Variants in HEYL observed in about 807,000 individuals in gnomAD.
The protein encoded by HEYL is hes related family bHLH transcription factor with YRPW motif like, also known as hairy/enhancer-of-split related with YRPW motif-like protein.
Under a neutral mutation model 18.6 loss-of-function variants are expected in HEYL, and 12 were observed. The ratio of observed to expected loss-of-function variants is 0.65; its 90% CI spans 0.41 to 1.05. The LOEUF (loss-of-function observed/expected upper bound fraction) is 1.05, where lower values mean the gene tolerates loss of function less well. Among genes scored for constraint, HEYL ranks in the 50% least tolerant of loss-of-function variants. HEYL has a pLI of 0.00. For missense variants in HEYL, 420 were observed against 444.7 expected (o/e 0.94, Z 0.50); for synonymous variants, 159 against 179.6 (o/e 0.89, Z 0.91).
At chr1:39,629,371 C>T (rs1646319560) in intron 4 of HEYL, among the ~76,000 whole-genome samples, 1 of 152,188 alleles carries the variant, frequency 6.6e-6, no homozygotes, top group African/African-American at 2.4e-5. Context: ...ACCACCTGCA[C>T]CAGGATAATT....
chr1:39,627,145 G>A lies in HEYL; in HGVS notation c.349C>T (p.Arg117Trp), dbSNP rs34926922. The change falls in exon 5 of 5, where the codon CGG becomes TGG. Residue 117 changes from arginine to tryptophan, a missense_variant. Coordinates refer to ENST00000372852, the MANE Select transcript of HEYL (RefSeq NM_014571.4). The part of the protein sequence containing the change: ...FDARALAVDF[R>W]SIGFRECLTE... ...AGGCACTCCCGAAAACCAATGCTCC[G>A]GAAGTCAACTGCCAGGGCTCGGGCA... The A allele has an allele frequency of 2.4e-5, 38 of 1,613,328 alleles. No individual in the cohort carries two copies. In the East Asian group the frequency reaches 5.8e-4, roughly 25 times the overall value.
chr1:39,632,928 T>TTCGCCCC (rs1192161293), intron 1 of HEYL: 11 of 985,068 alleles, frequency 1.1e-5, no homozygotes, highest in Middle Eastern at 5.2e-4. Context: ...GGCCTCGCCC[T>TTCGCCCC]TCGCCCCTCG....
At chr1:39,628,231 G>A (rs12045194) in intron 4 of HEYL, among the ~76,000 whole-genome samples, 10,988 of 152,306 alleles carry the variant, frequency 0.072, 725 homozygotes, top group East Asian at 0.37. Flanking sequence ...ACTTAGCCAT[G>A]TAAGTTCAAG....
intron 1 of HEYL, among the ~76,000 whole-genome samples, chr1:39,634,388 G>T (rs548119489): frequency 1.3e-5 from 2 of 152,244 alleles, no homozygotes; most frequent in East Asian, 3.9e-4. Context: ...AGCCACCATG[G>T]CTGGCCCCAA....
Position 39,626,874 on chromosome 1 carries a change from A to T in HEYL, c.620T>A (p.Val207Asp). Residue 207 changes from valine (V) to aspartate (D), a missense_variant, in exon 5 of 5, where the codon GTC becomes GAC. Coordinates refer to ENST00000372852, the MANE Select transcript of HEYL (RefSeq NM_014571.4). Reference protein sequence around the residue: ...GRVPSPVLPGVSSPAYPIPAL... With the variant: ...GRVPSPVLPGDSSPAYPIPAL... ...TGGGATGGGGTAAGCAGGAGAGGAG[A>T]CACCGGGGAGGACAGGGCTGGGCAC... 4.4e-6 allele frequency: 7 copies of T among 1,596,604 alleles called. No individual in the cohort carries two copies. The highest frequency in any genetic ancestry group is 6.0e-6 in the Non-Finnish European group (7 of 1,170,800).
chr1:39,632,399 T>G (rs548751514), intron 2 of HEYL, among the ~76,000 whole-genome samples: 5 of 152,368 alleles, frequency 3.3e-5, no homozygotes, highest in Admixed American at 2.0e-4. Context: ...ATTAATGCAC[T>G]TAATCTGTAA....
chr1:39,631,555 G>A lies in HEYL; in HGVS notation c.172C>T (p.Arg58Cys), dbSNP rs747706788. Reference protein sequence around the residue: ...RGIIEKRRRDRINSSLSELRR... With the variant: ...RGIIEKRRRDCINSSLSELRR... ...AATTCAGAAAGGCTACTGTTGATGC[G>A]GTCTCGACGCCGTTTCTCTATGATC... Residue 58 changes from arginine to cysteine, a missense_variant, in exon 3 of 5, where the codon CGC (arginine) becomes TGC (cysteine). Arg to Cys is a radical substitution (Grantham distance 180). Coordinates refer to ENST00000372852, the MANE Select transcript of HEYL (RefSeq NM_014571.4). 5.0e-6 allele frequency: 8 copies of A among 1,614,116 alleles called. No individual in the cohort carries two copies. In the Admixed American group the frequency reaches 8.3e-5, roughly 17 times the overall value.
rs759002874 is a variant in HEYL, at chr1:39,627,095, C to T, written c.399G>A (p.Gly133=). 1 of 1,614,012 alleles carries T rather than the reference C, an allele frequency of 6.2e-7. No individual in the cohort carries two copies. Among genetic ancestry groups the T allele is most frequent in the Non-Finnish European group, 8.5e-7 (1 of 1,180,002 alleles). ...ECLTEVIRYL[G]VLEGPSSRAD... ...CACGGCTGCTGGGCCCTTCAAGGAC[C>T]CCCAGGTACCTGATGACCTCAGTGA... is the stretch of plus-strand genomic sequence containing the variant. Residue 133 remains glycine (G), a synonymous_variant, in exon 5 of 5, where the codon GGG becomes GGA. Coordinates refer to ENST00000372852, the MANE Select transcript of HEYL (RefSeq NM_014571.4).
rs750910133 is a variant in HEYL, at chr1:39,627,092, G to T, written c.402C>A (p.Val134=). The change falls in exon 5 of 5, where the codon GTC becomes GTA. Residue 134 remains valine, a synonymous_variant. Transcript: ENST00000372852. ...CTGCACGGCTGCTGGGCCCTTCAAG[G>T]ACCCCCAGGTACCTGATGACCTCAG... ...CLTEVIRYLG[V]LEGPSSRADP... is the part of the protein sequence containing the mutation. 1 of 1,614,168 alleles carries T rather than the reference G, an allele frequency of 6.2e-7. No individual in the cohort carries two copies. The highest frequency in any genetic ancestry group is 8.5e-7 in the Non-Finnish European group (1 of 1,180,006).
rs898598897 is a variant in HEYL at position 39,639,468 on chromosome 1, C to A, written c.80+78G>T. ...CAGGCGGTGCTGGAGGGCTGGCCCG[C>A]CTGCTCGGCGAGCCCGTCGGGCCGA... is the stretch of plus-strand genomic sequence containing the variant. On this transcript the variant is annotated intron_variant, in intron 1 of 4. Transcript: ENST00000372852. 5.7e-5 allele frequency: 73 copies of A among 1,275,818 alleles called. 1 individual carries two copies. In the African/African-American group the frequency reaches 1.1e-3, roughly 19 times the overall value. 79.0% of individuals were successfully genotyped at this position (1,275,818 alleles called of 1,614,324 possible).
At chr1:39,632,211 G>A (rs1208123962) in intron 2 of HEYL, among the ~76,000 whole-genome samples, 2 of 152,216 alleles carry the variant, frequency 1.3e-5, no homozygotes, top group African/African-American at 4.8e-5. Flanking sequence ...ATCCTGGGAG[G>A]AAAGTGGGGC....
rs1646293938 is a variant in HEYL, at chr1:39,625,867, G to C, written c.*640C>G. ...GTGGGTGTCTGCTGCTGGGAGGAGGGTGGGAGCAGGCTCTGCTGGGCCCCC... is the reference window on the plus strand; with the variant it reads ...GTGGGTGTCTGCTGCTGGGAGGAGGCTGGGAGCAGGCTCTGCTGGGCCCCC... On this transcript the variant is annotated 3_prime_UTR_variant, in exon 5 of 5. Coordinates refer to ENST00000372852, the MANE Select transcript of HEYL (RefSeq NM_014571.4). 1 of 153,522 alleles carries C rather than the reference G, an allele frequency of 6.5e-6. No homozygotes were observed. Among genetic ancestry groups the C allele is most frequent in the Non-Finnish European group, 1.4e-5 (1 of 69,128 alleles). The allele number at this position is 153,522 out of a possible 1,614,324, so 9.5% of individuals were successfully genotyped here. A position where few individuals can be genotyped will look rare whatever the true frequency, so the allele number is the denominator to read the frequency against.
Position 39,626,776 on chromosome 1 carries a change from G to T in HEYL, c.718C>A (p.Arg240=). 2 of 1,551,264 alleles carry T rather than the reference G, an allele frequency of 1.3e-6. No homozygotes were observed. The highest frequency in any genetic ancestry group is 1.7e-6 in the Non-Finnish European group (2 of 1,146,186). Residue 240 remains arginine (R), a synonymous_variant, in exon 5 of 5, where the codon CGA becomes AGA. Coordinates refer to ENST00000372852, the MANE Select transcript of HEYL (RefSeq NM_014571.4). ...GCCCTCCGGGTGGAAGATGCCCCTCGACTGGGCAGCACATTCCTCCGGGCT... is the reference window on the plus strand; with the variant it reads ...GCCCTCCGGGTGGAAGATGCCCCTCTACTGGGCAGCACATTCCTCCGGGCT... The part of the protein sequence containing the change: ...LPARRNVLPS[R]GASSTRRARP...
At chr1:39,632,519 A>C (rs1646339152) in intron 2 of HEYL, 130 bp downstream of exon 2, 1 of 809,276 alleles carries the variant, frequency 1.2e-6, no homozygotes, top group Non-Finnish European at 2.0e-6. Context: ...CTAGTGACAG[A>C]GCCGGGATTT....
chr1:39,635,869 G>T (rs1480591144), intron 1 of HEYL, among the ~76,000 whole-genome samples: 1 of 152,198 alleles, frequency 6.6e-6, no homozygotes, highest in African/African-American at 2.4e-5. Context: ...GTGGGATGAG[G>T]TGTGGGATTC....
rs751498805 is a variant in HEYL, at chr1:39,631,528, G to A, written c.199C>T (p.Arg67Ter). 9 of 1,614,012 alleles carry A rather than the reference G, an allele frequency of 5.6e-6. No individual in the cohort carries two copies. The highest frequency in any genetic ancestry group is 5.3e-5 in the African/African-American group (4 of 74,920). The change falls in exon 3 of 5, where the codon CGA (arginine) becomes TGA (stop). Residue 67 changes from arginine (R) to a stop codon, truncating the protein, a stop_gained. Transcript: ENST00000372852. LOFTEE classifies it high-confidence loss of function. ...DRINSSLSEL[R>*]RLVPTAFEKQ... is the part of the protein sequence containing the mutation. Reference sequence around the variant, plus strand: ...TCAAAGGCAGTGGGGACCAAGCGTCGCAATTCAGAAAGGCTACTGTTGATG... The same window carrying A: ...TCAAAGGCAGTGGGGACCAAGCGTCACAATTCAGAAAGGCTACTGTTGATG...
At chr1:39,635,339 C>T (rs1646356866) in intron 1 of HEYL, among the ~76,000 whole-genome samples, 1 of 152,204 alleles carries the variant, frequency 6.6e-6, no homozygotes, top group African/African-American at 2.4e-5. Flanking sequence ...GAAACACGGC[C>T]TTTGTTCCCC....
At chr1:39,627,790 A>G (rs1646309082) in intron 4 of HEYL, among the ~76,000 whole-genome samples, 1 of 152,242 alleles carries the variant, frequency 6.6e-6, no homozygotes, top group African/African-American at 2.4e-5. Flanking sequence ...AGCAGTGCCT[A>G]CCGTATAGAG....
chr1:39,630,198 T>G, intron 4 of HEYL, 29 bp downstream of exon 4: 1 of 1,593,290 alleles, frequency 6.3e-7, no homozygotes, highest in Non-Finnish European at 8.6e-7. Context: ...GTTGTATGAA[T>G]GACGCCTGAA....
Sources: allele counts gnomAD v4.1 joint callset (sites outside exome capture counted in the v4.1 genomes callset), GRCh38; gene constraint gnomAD v4.1.1; transcripts MANE v1.5; gene names NCBI Gene and HGNC (gene_info 2026-07-23, HGNC 2026-07-21).